The following NEK1 variants were observed in gnomAD, a reference collection of about 807,000 sequenced individuals.
NEK1 encodes the protein NIMA related kinase 1, also known as serine/threonine-protein kinase Nek1.
A neutral mutation model predicts 182.1 loss-of-function variants in NEK1; 137 were observed. That is an observed-to-expected ratio of 0.75 (90% CI 0.65 to 0.87). The LOEUF is 0.87. Ranked by LOEUF, NEK1 falls within the 40% of genes least tolerant of loss-of-function variation. The pLI is 0.00. For missense variants in NEK1, 1,391 were observed against 1,494.4 expected (o/e 0.93, Z 1.14); for synonymous variants, 513 against 492.2 (o/e 1.04, Z -0.56).
At chr4:169,573,488 C>T (rs1765190682) in intron 12 of NEK1, among the ~76,000 whole-genome samples, 1 of 152,118 alleles carries the variant, frequency 6.6e-6, no homozygotes, top group Non-Finnish European at 1.5e-5. Flanking sequence ...CAGCTTCAGG[C>T]ACAAATGAAG....
intron 27 of NEK1, among the ~76,000 whole-genome samples, chr4:169,453,562 A>G (rs1742257924): frequency 6.6e-6 from 1 of 152,238 alleles, no homozygotes; most frequent in Admixed American, 6.5e-5. Context: ...AATGAGGGCA[A>G]GGAACACCTG....
At chr4:169,461,233 A>G (rs75406167) in intron 27 of NEK1, among the ~76,000 whole-genome samples, 11,150 of 152,190 alleles carry the variant, frequency 0.073, 1,343 homozygotes, top group African/African-American at 0.25. Context: ...GTCTTTGCAT[A>G]TACTAGAATA....
intron 31 of NEK1, among the ~76,000 whole-genome samples, chr4:169,408,424 T>C (rs1485337986): frequency 2.6e-5 from 4 of 152,076 alleles, no homozygotes; most frequent in Non-Finnish European, 4.4e-5. Flanking sequence ...TTTTTCCCTA[T>C]AGATTTATTT....
chr4:169,508,713 G>T, intron 20 of NEK1, 56 bp downstream of exon 20: 1 of 1,289,194 alleles, frequency 7.8e-7, no homozygotes, highest in Non-Finnish European at 1.1e-6. Flanking sequence ...AGAAAAGAAG[G>T]CAATAAATTC....
At chr4:169,514,933 GT>G (rs1754881801) in intron 19 of NEK1, among the ~76,000 whole-genome samples, 1 of 151,960 alleles carries the variant, frequency 6.6e-6, no homozygotes, top group Non-Finnish European at 1.5e-5. Context: ...GGAATTTACA[GT>G]GATTTGAGAC....
At chr4:169,487,583 T>C (rs568031383) in intron 23 of NEK1, among the ~76,000 whole-genome samples, 1 of 152,240 alleles carries the variant, frequency 6.6e-6, no homozygotes, top group African/African-American at 2.4e-5. Flanking sequence ...TCTGGGTTGA[T>C]TCTATGTCTT....
At chr4:169,440,139 C>T (rs779626234) in intron 27 of NEK1, among the ~76,000 whole-genome samples, 5 of 151,266 alleles carry the variant, frequency 3.3e-5, no homozygotes, top group South Asian at 2.1e-4. Context: ...CTACCACACC[C>T]GGCTGGATAG....
chr4:169,591,743 C>A (rs1243514259), intron 5 of NEK1, among the ~76,000 whole-genome samples: 3 of 151,814 alleles, frequency 2.0e-5, no homozygotes, highest in Admixed American at 2.0e-4. Context: ...GCAGGACTTT[C>A]AAAACATGAC....
At chr4:169,468,342 G>T (rs980406599) in intron 26 of NEK1, among the ~76,000 whole-genome samples, 3 of 152,098 alleles carry the variant, frequency 2.0e-5, no homozygotes, top group Non-Finnish European at 4.4e-5. Flanking sequence ...AGAACGATTA[G>T]GCAGGGGCAA....
At chr4:169,496,716 G>A (rs1751372404) in intron 23 of NEK1, among the ~76,000 whole-genome samples, 1 of 151,354 alleles carries the variant, frequency 6.6e-6, no homozygotes, top group South Asian at 2.1e-4. Context: ...TTATTGATTT[G>A]CGTATGTTGA....
intron 5 of NEK1, among the ~76,000 whole-genome samples, chr4:169,591,639 T>C (rs148755314): frequency 4.2e-4 from 64 of 152,154 alleles, no homozygotes; most frequent in Admixed American, 1.2e-3. Flanking sequence ...ATCTCATTGT[T>C]AACATCAAAA....
intron 19 of NEK1, among the ~76,000 whole-genome samples, chr4:169,533,099 C>CG (rs1757935120): frequency 6.6e-6 from 1 of 152,206 alleles, no homozygotes; most frequent in East Asian, 1.9e-4. Context: ...TGTTATCTCC[C>CG]TGTACTCCAT....
At chr4:169,501,907 GAATTA>G (rs1752485123) in intron 23 of NEK1, among the ~76,000 whole-genome samples, 2 of 151,788 alleles carry the variant, frequency 1.3e-5, no homozygotes, top group African/African-American at 4.8e-5. Context: ...AATCAGAGCG[GAATTA>G]AATTAAATTG....
rs531711018 is a variant in NEK1, at chr4:169,456,075, T to C, written c.2587+7168A>G. ...TAACAAGAGGAATTTTTGGAAACTA[T>C]ACAAACACATGGAAATTAAACAATA... On this transcript the variant is annotated intron_variant, in intron 27 of 35. Coordinates refer to ENST00000507142, the MANE Select transcript of NEK1 (RefSeq NM_001199397.3). Among the ~76,000 whole-genome samples the C allele has an allele frequency of 4.8e-4, 73 of 152,200 alleles. 1 individual carries two copies. In the South Asian group the frequency reaches 0.014, roughly 30 times the overall value.
chr4:169,411,782 T>A (rs1415821186), intron 31 of NEK1, among the ~76,000 whole-genome samples: 1 of 152,244 alleles, frequency 6.6e-6, no homozygotes, highest in Admixed American at 6.5e-5. Context: ...AATATATTGA[T>A]AATTTCCCTT....
intron 18 of NEK1, among the ~76,000 whole-genome samples, chr4:169,548,162 T>C (rs1760834818): frequency 6.6e-6 from 1 of 152,144 alleles, no homozygotes; most frequent in African/African-American, 2.4e-5. Flanking sequence ...TCTCTGAGTG[T>C]ATGTCCTTTT....
At chr4:169,406,319 A>G (rs1056882661) in intron 32 of NEK1, among the ~76,000 whole-genome samples, 13 of 152,286 alleles carry the variant, frequency 8.5e-5, no homozygotes, top group Non-Finnish European at 1.3e-4. Context: ...TGATTAAAAA[A>G]AAGAGCTAGG....
chr4:169,443,054 T>TCTATCTATCTATCTAC (rs1367549165), intron 27 of NEK1, among the ~76,000 whole-genome samples: 1 of 112,514 alleles, frequency 8.9e-6, no homozygotes, highest in African/African-American at 3.4e-5. Context: ...AAATATTTTA[T>TCTATCTATCTATCTAC]CTATCTATCT....
intron 21 of NEK1, among the ~76,000 whole-genome samples, chr4:169,508,036 T>C (rs140951074): frequency 1.6e-4 from 25 of 152,338 alleles, no homozygotes; most frequent in Admixed American, 1.4e-3. Context: ...CTAGTTATAT[T>C]TTCCTCTCAG....
Sources: allele counts gnomAD v4.1 joint callset (sites outside exome capture counted in the v4.1 genomes callset), GRCh38; gene constraint gnomAD v4.1.1; transcripts MANE v1.5; gene names NCBI Gene and HGNC (gene_info 2026-07-23, HGNC 2026-07-21).